GOSR2: variants seen among roughly 807,000 people sequenced by gnomAD.
GOSR2 encodes golgi SNAP receptor complex member 2.
GOSR2 carries 20 observed loss-of-function variants against 27.9 expected under a neutral mutation model. That is an observed-to-expected ratio of 0.72 (90% CI 0.50 to 1.04). The LOEUF (loss-of-function observed/expected upper bound fraction) is 1.04, where lower values mean the gene tolerates loss of function less well. Among genes scored for constraint, GOSR2 ranks in the 50% least tolerant of loss-of-function variants. GOSR2 has a pLI of 0.00. For missense variants in GOSR2, 261 were observed against 270.5 expected (o/e 0.97, Z 0.25); for synonymous variants, 91 against 98.8 (o/e 0.92, Z 0.47).
Position 46,939,585 on chromosome 17 carries a change from A to G in GOSR2, c.*825A>G, listed in dbSNP as rs1052775916. ...AAGTAGCTGTAGGCAAAGATTTGTG[A>G]TTTTCCAATTACAGTCTCAGCTCTA... On this transcript the variant is annotated 3_prime_UTR_variant, in exon 6 of 6. Coordinates refer to ENST00000640051, the MANE Select transcript of GOSR2 (RefSeq NM_004287.5). The G allele has an allele frequency of 4.0e-5, 39 of 985,340 alleles. No homozygotes were observed. In the South Asian group the frequency reaches 1.5e-3, roughly 37 times the overall value. The allele number at this position is 985,340 out of a possible 1,614,324, so 61.0% of individuals were successfully genotyped here.
rs754380153 is a variant in GOSR2 at position 46,939,070 on chromosome 17, C to T, written c.*310C>T. 38 of 1,228,524 alleles carry T rather than the reference C, an allele frequency of 3.1e-5. No homozygotes were observed. Among genetic ancestry groups the T allele is most frequent in the African/African-American group, 2.0e-4 (13 of 63,946 alleles). The allele number at this position is 1,228,524 out of a possible 1,614,324, so 76.1% of individuals were successfully genotyped here. A position where few individuals can be genotyped will look rare whatever the true frequency, so the allele number is the denominator to read the frequency against. ...GGTGGCTTTGTTCACATAGCTGATG[C>T]GTGCCCTGGGAAGGTGTCCACAGTG... On this transcript the variant is annotated 3_prime_UTR_variant, in exon 6 of 6. Transcript: ENST00000640051.
chr17:46,931,987 T>C (rs2087462207), intron 3 of GOSR2, 80 bp from the exon 4 acceptor site: 1 of 1,267,582 alleles, frequency 7.9e-7, no homozygotes. Flanking sequence ...ACGCCGTCTT[T>C]CCTCAGTACA....
chr17:46,941,360 G>C lies in GOSR2; in HGVS notation c.*2600G>C. The C allele has an allele frequency of 1.0e-6, 1 of 982,670 alleles. No homozygotes were observed. The highest frequency in any genetic ancestry group is 1.2e-6 in the Non-Finnish European group (1 of 827,404). 60.9% of individuals were successfully genotyped at this position (982,670 alleles called of 1,614,324 possible). A position where few individuals can be genotyped will look rare whatever the true frequency, so the allele number is the denominator to read the frequency against. On this transcript the variant is annotated 3_prime_UTR_variant, in exon 6 of 6. Coordinates refer to ENST00000640051, the MANE Select transcript of GOSR2 (RefSeq NM_004287.5). Reference sequence around the variant, plus strand: ...ATAAAGTTGAGGTTTATTTTATTTAGAAAATCACATTTTGTAAAAGAATTC... The same window carrying C: ...ATAAAGTTGAGGTTTATTTTATTTACAAAATCACATTTTGTAAAAGAATTC...
chr17:46,932,061 T>C lies in GOSR2; in HGVS notation c.204-6T>C. On this transcript the variant is annotated splice_region_variant and splice_polypyrimidine_tract_variant and intron_variant, in intron 3 of 5. Transcript: ENST00000640051. Reference sequence around the variant, plus strand: ...GGAATTTAATCTCTCTCTCCATCAATTCCAGTCGGGTTGACCAGTTAAAGT... The same window carrying C: ...GGAATTTAATCTCTCTCTCCATCAACTCCAGTCGGGTTGACCAGTTAAAGT... 5 of 1,613,410 alleles carry C rather than the reference T, an allele frequency of 3.1e-6. No homozygotes were observed. The highest frequency in any genetic ancestry group is 2.5e-6 in the Non-Finnish European group (3 of 1,179,332).
At chr17:46,966,958 C>T (rs2091339968) in exon 7 of GOSR2, 1 of 358,836 alleles carries the variant, frequency 2.8e-6, no homozygotes, top group African/African-American at 2.1e-5. Context: ...CACCTTCTTC[C>T]TTGTGTTTTG....
intron 6 of GOSR2, chr17:46,952,667 G>A (rs1039875353): frequency 2.6e-5 from 4 of 152,174 alleles, no homozygotes; most frequent in African/African-American, 9.7e-5. Context: ...TTCCAGCTAT[G>A]TGAGAGGCCA....
intron 1 of GOSR2, chr17:46,923,692 G>A (rs1259102599): frequency 2.8e-6 from 2 of 717,718 alleles, no homozygotes; most frequent in Admixed American, 8.5e-5. Context: ...ACATTTTTAT[G>A]GTACAAAGAA....
intron 6 of GOSR2, chr17:46,955,613 C>T (rs1328123051): frequency 6.6e-6 from 1 of 152,162 alleles, no homozygotes; most frequent in Non-Finnish European, 1.5e-5. Flanking sequence ...GATCTGAGGC[C>T]AAGCACACCT....
At chr17:46,953,393 C>T (rs1194721597) in intron 6 of GOSR2, among the ~76,000 whole-genome samples, 1 of 152,210 alleles carries the variant, frequency 6.6e-6, no homozygotes, top group Non-Finnish European at 1.5e-5. Flanking sequence ...TTTTTTATGG[C>T]TGCATAGTAT....
At chr17:46,945,224 T>C (rs189673775), downstream of GOSR2, among the ~76,000 whole-genome samples, 60 of 152,266 alleles carry the variant, frequency 3.9e-4, 2 homozygotes, top group South Asian at 4.6e-3. Context: ...AGGCCTGATG[T>C]GCTGTCTTCT....
chr17:46,938,152 T>A (rs2088720430), intron 5 of GOSR2: 3 of 264,222 alleles, frequency 1.1e-5, no homozygotes, highest in Non-Finnish European at 2.2e-5. Context: ...GATGAGTCCC[T>A]GCGCCTGGCC....
intron 3 of GOSR2, 155 bp downstream of exon 3, chr17:46,931,362 A>ATCT: frequency 4.5e-6 from 3 of 664,046 alleles, no homozygotes; most frequent in Non-Finnish European, 2.7e-6. Flanking sequence ...GCACAATTCT[A>ATCT]TCTGAGTGAT....
chr17:46,963,012 C>T (rs1410856640), intron 6 of GOSR2, among the ~76,000 whole-genome samples: 1 of 150,624 alleles, frequency 6.6e-6, no homozygotes, highest in Admixed American at 6.6e-5. Flanking sequence ...GAAAGAATGC[C>T]ACATGGCTAA....
intron 6 of GOSR2, among the ~76,000 whole-genome samples, chr17:46,959,045 G>C (rs1020350507): frequency 6.6e-6 from 1 of 152,236 alleles, no homozygotes; most frequent in Non-Finnish European, 1.5e-5. Context: ...CTGCATGCAA[G>C]GCTGTCCTTA....
downstream of GOSR2, chr17:46,942,086 G>C (rs530987408): frequency 6.0e-6 from 2 of 332,440 alleles, no homozygotes; most frequent in Non-Finnish European, 8.6e-6. Flanking sequence ...AAGAAGTGAG[G>C]CACAAGAACA....
intron 6 of GOSR2, among the ~76,000 whole-genome samples, chr17:46,962,240 A>C (rs546310932): frequency 6.6e-6 from 1 of 151,990 alleles, no homozygotes; most frequent in Non-Finnish European, 1.5e-5. Context: ...GAGGCAGGAG[A>C]ATAATTTGAA....
downstream of GOSR2, among the ~76,000 whole-genome samples, chr17:46,946,115 C>T (rs929876134): frequency 4.6e-5 from 7 of 152,056 alleles, no homozygotes; most frequent in Admixed American, 2.6e-4. Flanking sequence ...TCTCTGTCGT[C>T]ACTCACTTGG....
intron 6 of GOSR2, chr17:46,966,398 C>T: frequency 1.8e-6 from 1 of 561,910 alleles, no homozygotes; most frequent in South Asian, 2.3e-5. Flanking sequence ...CCCTCAGATA[C>T]CTGGTCCTTG....
At chr17:46,951,950 T>C (rs2090386723) in intron 6 of GOSR2, among the ~76,000 whole-genome samples, 1 of 152,170 alleles carries the variant, frequency 6.6e-6, no homozygotes, top group Non-Finnish European at 1.5e-5. Context: ...CCAGGAAGTC[T>C]TCCTTTCTAA....
Sources: allele counts gnomAD v4.1 joint callset (sites outside exome capture counted in the v4.1 genomes callset), GRCh38; gene constraint gnomAD v4.1.1; transcripts MANE v1.5; gene names NCBI Gene and HGNC (gene_info 2026-07-23, HGNC 2026-07-21).